The following PLEKHH2 variants were observed in gnomAD, a reference collection of about 807,000 sequenced individuals.
The protein encoded by PLEKHH2 is pleckstrin homology domain-containing family H member 2.
Under a neutral mutation model 187.9 loss-of-function variants are expected in PLEKHH2, and 129 were observed. That is an observed-to-expected ratio of 0.69 (90% confidence interval 0.59 to 0.79). PLEKHH2 has a LOEUF of 0.79. Ranked by LOEUF, PLEKHH2 falls within the 30% of genes least tolerant of loss-of-function variation. The probability of loss-of-function intolerance (pLI) is 0.00; values close to 1 mark genes in which losing one functional copy is unlikely to be tolerated. For synonymous variants in PLEKHH2, 686 were observed against 605.6 expected, an observed-to-expected ratio of 1.13 and a Z score of -1.95; for missense variants, 2,076 against 1,751.2, an observed-to-expected ratio of 1.19 and a Z score of -3.31.
In PLEKHH2 at chr2:43,707,558, C is replaced by A; in HGVS notation, c.1966+13C>A. The A allele has an allele frequency of 6.2e-7, 1 of 1,613,512 alleles. No homozygotes were observed. Among genetic ancestry groups the A allele is most frequent in the South Asian group, 1.1e-5 (1 of 90,964 alleles). On this transcript the variant is annotated intron_variant, in intron 11 of 29. Transcript: ENST00000282406. Reference sequence around the variant, plus strand: ...GCCATGAAACGAGGTGAGGGAAAATCGCAGGCATATGAGGCAACTCCAGAT... The same window carrying A: ...GCCATGAAACGAGGTGAGGGAAAATAGCAGGCATATGAGGCAACTCCAGAT...
chr2:43,732,376 T>G (rs77941712), intron 19 of PLEKHH2, among the ~76,000 whole-genome samples: 7,629 of 151,592 alleles, frequency 0.05, 395 homozygotes, highest in African/African-American at 0.13. Context: ...AAAAAAAAAA[T>G]TATCAAAGAA....
intron 3 of PLEKHH2, chr2:43,680,681 C>A: frequency 2.6e-6 from 1 of 382,670 alleles, no homozygotes; most frequent in South Asian, 2.3e-5. Flanking sequence ...TCTGGCTGCT[C>A]AAAATTGAAG....
intron 9 of PLEKHH2, among the ~76,000 whole-genome samples, chr2:43,705,691 G>A (rs896790458): frequency 5.3e-5 from 8 of 151,958 alleles, no homozygotes; most frequent in Non-Finnish European, 1.0e-4. Context: ...GCATGATCTC[G>A]GCTCACTGCA....
In PLEKHH2 at chr2:43,706,306, T is replaced by G; in HGVS notation, c.1727-16T>G. On this transcript the variant is annotated splice_polypyrimidine_tract_variant and intron_variant, in intron 9 of 29. Coordinates refer to ENST00000282406, the MANE Select transcript of PLEKHH2 (RefSeq NM_172069.4). ...AGAAGTTTTTTAAAATGTTGTTTCC[T>G]GTTTTTCTGTTTCAGATTCTGCTGC... is the stretch of plus-strand genomic sequence containing the variant. The G allele has an allele frequency of 6.4e-7, 1 of 1,550,914 alleles. No individual in the cohort carries two copies. The highest frequency in any genetic ancestry group is 2.2e-5 in the East Asian group (1 of 44,548).
chr2:43,737,555 C>T (rs981953775), intron 19 of PLEKHH2, among the ~76,000 whole-genome samples: 4 of 152,202 alleles, frequency 2.6e-5, no homozygotes, highest in Non-Finnish European at 4.4e-5. Flanking sequence ...AAGCTGTCAG[C>T]GGGGGTAGCA....
chr2:43,686,132 T>C (rs980060407), intron 3 of PLEKHH2, among the ~76,000 whole-genome samples: 2 of 151,852 alleles, frequency 1.3e-5, no homozygotes, highest in African/African-American at 4.8e-5. Flanking sequence ...TCTTCTTCCT[T>C]CTCCTTCTTT....
rs948236940 is a variant in PLEKHH2, at chr2:43,656,430, A to G, written c.123+11634A>G. Among the ~76,000 whole-genome samples, 4 of 145,860 alleles carry G rather than the reference A, an allele frequency of 2.7e-5. No homozygotes were observed. In the East Asian group the frequency reaches 7.8e-4, roughly 28 times the overall value. The stretch of plus-strand genomic sequence containing the variant: ...GAGACACTGAATTTCTCCATTTCAC[A>G]TCCAAGGACTGAGAGCTAAGAGAAG... On this transcript the variant is annotated intron_variant, in intron 2 of 29. Coordinates refer to ENST00000282406, the MANE Select transcript of PLEKHH2 (RefSeq NM_172069.4).
chr2:43,669,829 C>A (rs1013356073), intron 2 of PLEKHH2, among the ~76,000 whole-genome samples: 1 of 151,750 alleles, frequency 6.6e-6, no homozygotes, highest in Non-Finnish European at 1.5e-5. Context: ...GTCTCAGCCT[C>A]CCAGAAACTT....
intron 11 of PLEKHH2, among the ~76,000 whole-genome samples, chr2:43,707,792 ATTG>A (rs2104509618): frequency 6.7e-6 from 1 of 150,060 alleles, no homozygotes. Context: ...AGATCACTTT[ATTG>A]TTGGAATGAA....
intron 25 of PLEKHH2, among the ~76,000 whole-genome samples, chr2:43,754,716 G>A (rs1301522285): frequency 6.6e-6 from 1 of 152,196 alleles, no homozygotes; most frequent in Non-Finnish European, 1.5e-5. Context: ...CCAAGGCTTA[G>A]ATTCCCCAGG....
At position 43,712,370 on chromosome 2, in the gene PLEKHH2, G is replaced by C; in HGVS notation, c.2447G>C (p.Gly816Ala). ...LQPEGKPTMKGLLTKVKHGYS... is the reference protein window; with the variant it reads ...LQPEGKPTMKALLTKVKHGYS... Reference sequence around the variant, plus strand: ...CCTGAGGGCAAACCCACCATGAAGGGATTGCTCACTAAGGTAGGAACCTCC... The same window carrying C: ...CCTGAGGGCAAACCCACCATGAAGGCATTGCTCACTAAGGTAGGAACCTCC... Residue 816 changes from glycine to alanine, a missense_variant, in exon 15 of 30, where the codon GGA becomes GCA. Gly to Ala is a moderately conservative substitution (Grantham distance 60, BLOSUM62 0). Coordinates refer to ENST00000282406, the MANE Select transcript of PLEKHH2 (RefSeq NM_172069.4). 1.2e-6 allele frequency: 2 copies of C among 1,614,076 alleles called. No individual in the cohort carries two copies. The highest frequency in any genetic ancestry group is 1.7e-6 in the Non-Finnish European group (2 of 1,180,004).
intron 29 of PLEKHH2, among the ~76,000 whole-genome samples, chr2:43,764,856 A>G (rs991140753): frequency 6.6e-6 from 1 of 152,262 alleles, no homozygotes; most frequent in African/African-American, 2.4e-5. Context: ...AGTAAAAGCA[A>G]TAAATAAATG....
At chr2:43,740,822 C>T (rs781404756) in intron 20 of PLEKHH2, 124 bp from the exon 21 acceptor site, 3 of 1,423,038 alleles carry the variant, frequency 2.1e-6, no homozygotes, top group Non-Finnish European at 2.8e-6. Flanking sequence ...ACAGATCATG[C>T]ATATGTGAAA....
chr2:43,695,227 A>G lies in PLEKHH2; in HGVS notation c.502+3A>G. ...AACAATGCAGTCAAAACTACAAGGT[A>G]CAAATACTTTACTAAGATAGCTTAG... is the stretch of plus-strand genomic sequence containing the variant. On this transcript the variant is annotated splice_donor_region_variant and intron_variant, in intron 6 of 29. Coordinates refer to ENST00000282406, the MANE Select transcript of PLEKHH2 (RefSeq NM_172069.4). 6.5e-7 allele frequency: 1 copy of G among 1,547,202 alleles called. No homozygotes were observed. Among genetic ancestry groups the G allele is most frequent in the South Asian group, 1.2e-5 (1 of 82,424 alleles).
chr2:43,678,855 C>T lies in PLEKHH2; in HGVS notation c.124-8C>T, dbSNP rs369343462. On this transcript the variant is annotated splice_region_variant and splice_polypyrimidine_tract_variant and intron_variant, in intron 2 of 29. Coordinates refer to ENST00000282406, the MANE Select transcript of PLEKHH2 (RefSeq NM_172069.4). ...ATTTTTGTATTTATATTTTCCCTCA[C>T]TCTACAGATGCAACAGCTTGAGAGA... 1.3e-6 allele frequency: 2 copies of T among 1,588,060 alleles called. No individual in the cohort carries two copies. Among genetic ancestry groups the T allele is most frequent in the Non-Finnish European group, 1.7e-6 (2 of 1,163,042 alleles).
chr2:43,680,657 T>A (rs7575203), intron 3 of PLEKHH2: 155,626 of 337,520 alleles, frequency 0.46, 38,125 homozygotes, highest in Non-Finnish European at 0.51. Flanking sequence ...TCTGTTTGTT[T>A]AGTGGTTTGG....
rs1401290684 is a variant in PLEKHH2 at position 43,710,539 on chromosome 2, T to TA, written c.2266dup (p.Ser756LysfsTer7). On this transcript the variant is annotated frameshift_variant, in exon 14 of 30. Coordinates refer to ENST00000282406, the MANE Select transcript of PLEKHH2 (RefSeq NM_172069.4). LOFTEE classifies it high-confidence loss of function. Reference sequence around the variant, plus strand: ...GCCATATTGAACTTAGTGCATCCTGTAGTATTTTAAGAGGAGATAACAAAC... The same window carrying TA: ...GCCATATTGAACTTAGTGCATCCTGTAAGTATTTTAAGAGGAGATAACAAAC... 6.3e-7 allele frequency: 1 copy of TA among 1,598,258 alleles called. No homozygotes were observed. The highest frequency in any genetic ancestry group is 1.4e-5 in the African/African-American group (1 of 73,546).
At position 43,726,280 on chromosome 2, in the gene PLEKHH2, A is replaced by C. The variant is rs763556379; in HGVS notation, c.2550A>C (p.Leu850Phe). 6.2e-7 allele frequency: 1 copy of C among 1,604,804 alleles called. No homozygotes were observed. The highest frequency in any genetic ancestry group is 2.2e-5 in the East Asian group (1 of 44,796). The part of the protein sequence containing the change: ...YFRSQEDKFP[L>F]GQIKLWEAKV... ...ACTAATATTTACTTTAGTTTCCTTT[A>C]GGTCAGATCAAACTCTGGGAGGCTA... The change falls in exon 17 of 30, where the codon TTA becomes TTC. Residue 850 changes from leucine to phenylalanine, a missense_variant. By Grantham distance (22) the Leu-to-Phe change is conservative. Transcript: ENST00000282406.
At chr2:43,685,314 A>T (rs1170231691) in intron 3 of PLEKHH2, among the ~76,000 whole-genome samples, 2 of 152,252 alleles carry the variant, frequency 1.3e-5, no homozygotes, top group Admixed American at 1.3e-4. Flanking sequence ...AATGAATGGC[A>T]TCACTTCTGT....
Sources: allele counts gnomAD v4.1 joint callset (sites outside exome capture counted in the v4.1 genomes callset), GRCh38; gene constraint gnomAD v4.1.1; transcripts MANE v1.5; gene names NCBI Gene and HGNC (gene_info 2026-07-23, HGNC 2026-07-21).